GPSM1: variants seen among roughly 807,000 people sequenced by gnomAD.
GPSM1 encodes the protein G protein signaling modulator 1, also known as G protein-signaling modulator 1.
GPSM1 carries 48 observed loss-of-function variants against 70.5 expected under a neutral mutation model. The observed-to-expected ratio is 0.68, with a 90% CI of 0.54 to 0.87. The LOEUF (loss-of-function observed/expected upper bound fraction) is 0.87, where lower values mean the gene tolerates loss of function less well. Ranked by LOEUF, GPSM1 falls within the 40% of genes least tolerant of loss-of-function variation. The pLI is 0.00. For synonymous variants in GPSM1, 416 were observed against 430.1 expected, an observed-to-expected ratio of 0.97 and a Z score of 0.41; for missense variants, 981 against 972.6, an observed-to-expected ratio of 1.01 and a Z score of -0.11.
chr9:136,327,907 G>A (rs1478492489), intron 1 of GPSM1, 144 bp downstream of exon 1: 1 of 193,818 alleles, frequency 5.2e-6, no homozygotes, highest in African/African-American at 2.4e-5. Flanking sequence ...CCTCCAGGCC[G>A]AGCCCAGCCC....
intron 9 of GPSM1, among the ~76,000 whole-genome samples, chr9:136,345,640 A>G (rs560813577): frequency 9.2e-5 from 14 of 152,188 alleles, no homozygotes; most frequent in Admixed American, 2.6e-4. Context: ...TGGGGAAACC[A>G]ACTTAGGCCC....
chr9:136,340,642 A>G lies in GPSM1; in HGVS notation c.1084-228A>G, dbSNP rs1432550101. Among the ~76,000 whole-genome samples, 1 of 151,928 alleles carries G rather than the reference A, an allele frequency of 6.6e-6. No homozygotes were observed. The highest frequency in any genetic ancestry group is 2.4e-5 in the African/African-American group (1 of 41,376). On this transcript the variant is annotated intron_variant, in intron 8 of 13. Coordinates refer to ENST00000440944, the MANE Select transcript of GPSM1 (RefSeq NM_001145638.3). The surrounding 1 kb of genome is among the most constrained non-coding windows in gnomAD (Gnocchi z 7.3). ...ACCCCAAGCATCTCTGGGGTGAACT[A>G]GGGGCTGTTGAGGACCTGTGGGGCC...
rs1051246809 is a variant in GPSM1 at position 136,358,619 on chromosome 9, A to G, written c.*399A>G. ...TCTGAGCCGCCTCTTGGGGCCACCA[A>G]GGACAGGGCCATGTTCTGTCCCCCC... On this transcript the variant is annotated 3_prime_UTR_variant, in exon 14 of 14. Transcript: ENST00000440944. The G allele has an allele frequency of 8.3e-5, 26 of 312,298 alleles. No individual in the cohort carries two copies. The highest frequency in any genetic ancestry group is 5.5e-4 in the African/African-American group (24 of 43,706). The allele number at this position is 312,298 out of a possible 1,614,324, so 19.3% of individuals were successfully genotyped here. A position where few individuals can be genotyped will look rare whatever the true frequency, so the allele number is the denominator to read the frequency against.
At chr9:136,355,931 G>A (rs1455790087) in intron 12 of GPSM1, 85 bp downstream of exon 12, 2 of 1,174,198 alleles carry the variant, frequency 1.7e-6, no homozygotes, top group South Asian at 1.5e-5. Context: ...CCAGTGAGGA[G>A]TTTTCGGGGG....
In GPSM1 at chr9:136,340,871, T is replaced by A; in HGVS notation, c.1085T>A (p.Ile362Asn). 6.4e-7 allele frequency: 1 copy of A among 1,570,472 alleles called. No individual in the cohort carries two copies. The highest frequency in any genetic ancestry group is 8.6e-7 in the Non-Finnish European group (1 of 1,160,300). ...GCTCCGCCACCCCACTCGCCGCAGATCGGGGACCGCCATGGGGAGCTCACG... is the reference window on the plus strand; with the variant it reads ...GCTCCGCCACCCCACTCGCCGCAGAACGGGGACCGCCATGGGGAGCTCACG... ...AKKHLQISQEIGDRHGELTAR... is the reference protein window; with the variant it reads ...AKKHLQISQENGDRHGELTAR... The change falls in exon 9 of 14, where the codon ATC (isoleucine) becomes AAC (asparagine). Residue 362 changes from isoleucine (I) to asparagine (N), a missense_variant and splice_region_variant. Physicochemically the swap from Ile to Asn is moderately radical, Grantham distance 149. Transcript: ENST00000440944. The surrounding 1 kb of genome is among the most constrained non-coding windows in gnomAD (Gnocchi z 7.3).
chr9:136,347,602 C>T (rs1466294910), intron 9 of GPSM1, among the ~76,000 whole-genome samples: 1 of 152,210 alleles, frequency 6.6e-6, no homozygotes, highest in African/African-American at 2.4e-5. Context: ...AGTGGCTGTG[C>T]CCCTGTCCGT....
Position 136,358,337 on chromosome 9 carries a change from C to A in GPSM1, c.*117C>A. ...GACAGGCACTGGGCATGCAGCCCCA[C>A]GGCCTCCCCGACCCAGGGCGACAGG... On this transcript the variant is annotated 3_prime_UTR_variant, in exon 14 of 14. Transcript: ENST00000440944. The A allele has an allele frequency of 1.0e-6, 1 of 957,968 alleles. No homozygotes were observed. The highest frequency in any genetic ancestry group is 1.5e-6 in the Non-Finnish European group (1 of 646,324). 59.3% of individuals were successfully genotyped at this position (957,968 alleles called of 1,614,324 possible). A position where few individuals can be genotyped will look rare whatever the true frequency, so the allele number is the denominator to read the frequency against.
Position 136,343,355 on chromosome 9 carries a change from G to GC in GPSM1, c.1207+2365dup, listed in dbSNP as rs1339509343. Among the ~76,000 whole-genome samples the GC allele has an allele frequency of 2.6e-5, 4 of 152,266 alleles. No homozygotes were observed. Among genetic ancestry groups the GC allele is most frequent in the African/African-American group, 9.6e-5 (4 of 41,554 alleles). ...TTGGCATGTTGGGAGGAGGGAGCCG[G>GC]CCCTGAGCCCTGCAGGACCGCCCCC... On this transcript the variant is annotated intron_variant, in intron 9 of 13. Coordinates refer to ENST00000440944, the MANE Select transcript of GPSM1 (RefSeq NM_001145638.3). This position sits in a 1 kb window ranked among gnomAD's most constrained non-coding sequence, Gnocchi z 6.0.
intron 3 of GPSM1, 126 bp downstream of exon 3, chr9:136,336,227 C>A: frequency 1.7e-6 from 2 of 1,152,180 alleles, no homozygotes; most frequent in South Asian, 3.0e-5. Context: ...ACAGGGAGGT[C>A]GGTCCCCTAG....
rs782629410 is a variant in GPSM1 at position 136,358,133 on chromosome 9, G to A, written c.1941G>A (p.Glu647=). The A allele has an allele frequency of 1.2e-6, 2 of 1,610,424 alleles. No homozygotes were observed. Among genetic ancestry groups the A allele is most frequent in the East Asian group, 2.2e-5 (1 of 44,820 alleles). The change falls in exon 14 of 14, where the codon GAG becomes GAA. Residue 647 remains glutamate (E), a synonymous_variant. Coordinates refer to ENST00000440944, the MANE Select transcript of GPSM1 (RefSeq NM_001145638.3). ...IQRVQAKRMD[E]QRVDLAGGPE... ...GGGTGCAGGCTAAGCGCATGGACGA[G>A]CAGCGGGTGGACCTCGCCGGGGGCC...
chr9:136,353,247 G>A (rs917041174), intron 11 of GPSM1: 9 of 262,374 alleles, frequency 3.4e-5, no homozygotes, highest in Non-Finnish European at 4.7e-5. Flanking sequence ...TGGGCCGGGT[G>A]CATTCCCCTC....
chr9:136,331,399 G>A (rs1310979781), intron 1 of GPSM1, among the ~76,000 whole-genome samples: 1 of 150,646 alleles, frequency 6.6e-6, no homozygotes, highest in Non-Finnish European at 1.5e-5. Context: ...TGGCACCGTG[G>A]GCTGGTGCCA....
intron 11 of GPSM1, among the ~76,000 whole-genome samples, chr9:136,353,692 C>T (rs1037717351): frequency 5.9e-5 from 9 of 152,202 alleles, no homozygotes; most frequent in Admixed American, 3.3e-4. Flanking sequence ...TCCTGCCTTT[C>T]CCAGGAGGGA....
chr9:136,352,225 CG>C (rs1564355357), intron 11 of GPSM1, among the ~76,000 whole-genome samples: 2,011 of 61,536 alleles, frequency 0.033, 940 homozygotes, highest in East Asian at 0.12. Flanking sequence ...TTGGTGACAC[CG>C]ATGCTGCGCC....
At chr9:136,335,845 C>A in intron 2 of GPSM1, 121 bp from the exon 3 acceptor site, 1 of 1,017,376 alleles carries the variant, frequency 9.8e-7, no homozygotes, top group Non-Finnish European at 1.4e-6. Context: ...GGGTTGCAGG[C>A]TCCTGTCCAC....
chr9:136,329,986 C>T (rs34318154), intron 1 of GPSM1, among the ~76,000 whole-genome samples: 42,659 of 150,242 alleles, frequency 0.28, 7,254 homozygotes, highest in Middle Eastern at 0.48. Flanking sequence ...GGGATGGGCC[C>T]TGGGTGCTGG....
In GPSM1 at chr9:136,338,670, C is replaced by T. The variant is rs1832311507; in HGVS notation, c.934C>T (p.His312Tyr). 1 of 1,570,060 alleles carries T rather than the reference C, an allele frequency of 6.4e-7. No individual in the cohort carries two copies. The highest frequency in any genetic ancestry group is 1.2e-5 in the South Asian group (1 of 85,742). ...LQDYERAAEY[H>Y]LRHLLIAQEL... The stretch of plus-strand genomic sequence containing the variant: ...GGACTACGAGCGCGCGGCCGAGTAC[C>T]ACCTGCGGCACCTGCTCATTGCCCA... Residue 312 changes from histidine to tyrosine, a missense_variant, in exon 7 of 14, where the codon CAC becomes TAC. Physicochemically the swap from His to Tyr is moderately conservative, Grantham distance 83 (BLOSUM62 2). Coordinates refer to ENST00000440944, the MANE Select transcript of GPSM1 (RefSeq NM_001145638.3).
rs781844140 is a variant in GPSM1 at position 136,327,782 on chromosome 9, G to A, written c.68+19G>A. On this transcript the variant is annotated intron_variant, in intron 1 of 13. Transcript: ENST00000440944. Reference sequence around the variant, plus strand: ...ACTCCAGGTAGGACGGGCCGGGGCCGGGGCCGGGGCCGGGGCTGGGACCGG... The same window carrying A: ...ACTCCAGGTAGGACGGGCCGGGGCCAGGGCCGGGGCCGGGGCTGGGACCGG... The A allele has an allele frequency of 1.1e-5, 11 of 1,038,304 alleles. No homozygotes were observed. Among genetic ancestry groups the A allele is most frequent in the East Asian group, 7.7e-5 (2 of 25,956 alleles). 64.3% of individuals were successfully genotyped at this position (1,038,304 alleles called of 1,614,324 possible).
chr9:136,336,871 C>T lies in GPSM1; in HGVS notation c.427-50C>T, dbSNP rs781999394. On this transcript the variant is annotated intron_variant, in intron 3 of 13. Transcript: ENST00000440944. ...ACACCGGTGTGCCGGCTCTGCACATCGTGTGGGGGGCCGTGGAGGCATGCC... is the reference window on the plus strand; with the variant it reads ...ACACCGGTGTGCCGGCTCTGCACATTGTGTGGGGGGCCGTGGAGGCATGCC... 156 of 1,516,094 alleles carry T rather than the reference C, an allele frequency of 1.0e-4. 1 individual carries two copies. Among genetic ancestry groups the T allele is most frequent in the South Asian group, 2.0e-4 (16 of 80,438 alleles). 93.9% of individuals were successfully genotyped at this position (1,516,094 alleles called of 1,614,324 possible). A position where few individuals can be genotyped will look rare whatever the true frequency, so the allele number is the denominator to read the frequency against.
Sources: gnomAD v4.1 joint callset for allele counts (sites outside exome capture counted in the v4.1 genomes callset) on GRCh38, gnomAD v4.1.1 for gene constraint, Gnocchi (gnomAD v3.1) non-coding constraint, MANE v1.5 for transcripts, NCBI Gene and HGNC (gene_info 2026-07-23, HGNC 2026-07-21) for gene names.